PITPNM2: variants seen among roughly 807,000 people sequenced by gnomAD.
PITPNM2 encodes the protein phosphatidylinositol transfer protein membrane associated 2.
In PITPNM2, 35 loss-of-function variants were observed where a neutral mutation model predicts 132.2. That is an observed-to-expected ratio of 0.26 (90% CI 0.20 to 0.35). The LOEUF (loss-of-function observed/expected upper bound fraction) is 0.35. Among genes scored for constraint, PITPNM2 ranks in the 10% least tolerant of loss-of-function variants. The pLI, the probability that PITPNM2 is intolerant of heterozygous loss-of-function variation, is 1.00. For synonymous variants in PITPNM2, 738 were observed against 799.2 expected, an observed-to-expected ratio of 0.92 and a Z score of 1.29; for missense variants, 1,332 against 1,912.0, an observed-to-expected ratio of 0.70 and a Z score of 5.66.
intron 14 of PITPNM2, 151 bp downstream of exon 14, chr12:122,995,238 C>T: frequency 4.8e-6 from 6 of 1,247,872 alleles, no homozygotes; most frequent in Non-Finnish European, 6.5e-6. Flanking sequence ...GCCACTTTCT[C>T]CTGGGCCCAG....
At chr12:123,094,064 G>A (rs996773390) in intron 2 of PITPNM2, among the ~76,000 whole-genome samples, 1 of 152,228 alleles carries the variant, frequency 6.6e-6, no homozygotes, top group African/African-American at 2.4e-5. Context: ...AGAAAGGCCT[G>A]GTTAGGGGCC....
rs939045475 is a variant in PITPNM2 at position 123,064,562 on chromosome 12, G to A, written c.-95-29877C>T. Among the ~76,000 whole-genome samples, 7 of 152,144 alleles carry A rather than the reference G, an allele frequency of 4.6e-5. No homozygotes were observed. The highest frequency in any genetic ancestry group is 9.7e-5 in the African/African-American group (4 of 41,422). On this transcript the variant is annotated intron_variant, in intron 2 of 25. Coordinates refer to ENST00000320201, the MANE Select transcript of PITPNM2 (RefSeq NM_020845.3). This position sits in a 1 kb window ranked among gnomAD's most constrained non-coding sequence, Gnocchi z 4.0. ...TTGGCGGGGAGCCTGGGGCTATTTC[G>A]GGAAGCTCTGCGCACAGCCCGCCAC...
Position 123,077,944 on chromosome 12 carries a change from C to T in PITPNM2, c.-96+32441G>A, listed in dbSNP as rs905907024. Among the ~76,000 whole-genome samples the T allele has an allele frequency of 6.6e-6, 1 of 152,094 alleles. No individual in the cohort carries two copies. The highest frequency in any genetic ancestry group is 1.5e-5 in the Non-Finnish European group (1 of 67,998). On this transcript the variant is annotated intron_variant, in intron 2 of 25. Coordinates refer to ENST00000320201, the MANE Select transcript of PITPNM2 (RefSeq NM_020845.3). This position sits in a 1 kb window ranked among gnomAD's most constrained non-coding sequence, Gnocchi z 4.8. ...CCCCATGCTGCCGGCCTCAGGGGGC[C>T]GCCCCCAGCACGCAGCTCTCCCAGC...
chr12:123,010,227 C>A, intron 5 of PITPNM2, 150 bp from the exon 6 acceptor site: 2 of 644,552 alleles, frequency 3.1e-6, no homozygotes, highest in South Asian at 2.0e-5. Context: ...TTCTGGGCAG[C>A]TCTGACCTCA....
rs1238353697 is a variant in PITPNM2, at chr12:123,108,684, A to G, written c.-96+1701T>C. 6.6e-6 allele frequency among the ~76,000 whole-genome samples: 1 copy of G among 152,228 alleles called. No homozygotes were observed. On this transcript the variant is annotated intron_variant, in intron 2 of 25. Transcript: ENST00000320201. This position sits in a 1 kb window ranked among gnomAD's most constrained non-coding sequence, Gnocchi z 4.4. ...ATACAACATAGCACTCTCTCTTCTT[A>G]GCACTTGGAGGCCTTTTCACAGCAA...
At position 123,020,489 on chromosome 12, in the gene PITPNM2, C is replaced by T. The variant is rs1203582642; in HGVS notation, c.79-6447G>A. Reference sequence around the variant, plus strand: ...AAGCAGGAGAGGAGCACAATCTAATCTGGGTCCCAGGAAGAACGTCCTGGT... The same window carrying T: ...AAGCAGGAGAGGAGCACAATCTAATTTGGGTCCCAGGAAGAACGTCCTGGT... On this transcript the variant is annotated intron_variant, in intron 3 of 25. Coordinates refer to ENST00000320201, the MANE Select transcript of PITPNM2 (RefSeq NM_020845.3). Among the ~76,000 whole-genome samples the T allele has an allele frequency of 6.6e-5, 10 of 152,152 alleles. 1 individual carries two copies. The highest frequency in any genetic ancestry group is 2.4e-4 in the African/African-American group (10 of 41,424).
intron 1 of PITPNM2, among the ~76,000 whole-genome samples, chr12:123,116,602 T>G (rs537708986): frequency 3.2e-4 from 48 of 149,580 alleles, no homozygotes; most frequent in African/African-American, 1.2e-3. Flanking sequence ...TAAGCCATGA[T>G]TATGTCACTG....
At chr12:123,100,586 A>G (rs920943006) in intron 2 of PITPNM2, among the ~76,000 whole-genome samples, 13 of 151,748 alleles carry the variant, frequency 8.6e-5, no homozygotes, top group African/African-American at 3.1e-4. Context: ...AGATTGCACC[A>G]CTGCACTCCA....
chr12:122,988,279 C>T lies in PITPNM2; in HGVS notation c.2952G>A (p.Lys984=), dbSNP rs1162779576. 2 of 1,613,322 alleles carry T rather than the reference C, an allele frequency of 1.2e-6. No individual in the cohort carries two copies. The highest frequency in any genetic ancestry group is 1.3e-5 in the African/African-American group (1 of 74,916). Reference sequence around the variant, plus strand: ...GCTTGCGCTGCCACTTCTCCCTTGGCTTTGAGGGGGTGAACACCGACACTT... The same window carrying T: ...GCTTGCGCTGCCACTTCTCCCTTGGTTTTGAGGGGGTGAACACCGACACTT... The part of the protein sequence containing the change: ...GKEVSVFTPS[K]PREKWQRKRT... Residue 984 remains lysine (K), a synonymous_variant, in exon 20 of 26, where the codon AAG becomes AAA. Coordinates refer to ENST00000320201, the MANE Select transcript of PITPNM2 (RefSeq NM_020845.3).
chr12:123,067,795 A>T (rs1328862444), intron 2 of PITPNM2, among the ~76,000 whole-genome samples: 1 of 152,172 alleles, frequency 6.6e-6, no homozygotes, highest in Non-Finnish European at 1.5e-5. Context: ...GGTTTGTGGC[A>T]TTGGGAAACA....
chr12:123,125,343 T>C (rs768016470), intron 1 of PITPNM2, among the ~76,000 whole-genome samples: 2 of 152,054 alleles, frequency 1.3e-5, no homozygotes, highest in Non-Finnish European at 2.9e-5. Flanking sequence ...AAGGAAGAAG[T>C]TAGGTAGAAG....
chr12:123,088,691 T>C (rs1054075922), intron 2 of PITPNM2: 2 of 152,216 alleles, frequency 1.3e-5, no homozygotes, highest in Admixed American at 1.3e-4. Flanking sequence ...TAGCTGATGT[T>C]AGCAAACTTT....
At position 123,082,842 on chromosome 12, in the gene PITPNM2, T is replaced by C. The variant is rs923812032; in HGVS notation, c.-96+27543A>G. The C allele has an allele frequency of 6.6e-6, 1 of 152,300 alleles. No individual in the cohort carries two copies. The highest frequency in any genetic ancestry group is 1.5e-5 in the Non-Finnish European group (1 of 68,102). The allele number at this position is 152,300 out of a possible 1,614,324, so 9.4% of individuals were successfully genotyped here. ...CCAGAACCAATTCACCTTCCCCAGC[T>C]GAACTCTACACATTAAACAATAACT... On this transcript the variant is annotated intron_variant, in intron 2 of 25. Transcript: ENST00000320201. This position sits in a 1 kb window ranked among gnomAD's most constrained non-coding sequence, Gnocchi z 5.4.
chr12:123,047,900 ACCAT>A (rs1025032248), intron 2 of PITPNM2, among the ~76,000 whole-genome samples: 1 of 152,202 alleles, frequency 6.6e-6, no homozygotes, highest in African/African-American at 2.4e-5. Flanking sequence ...GAAGATCGAG[ACCAT>A]CCTGGCCAAC....
intron 2 of PITPNM2, among the ~76,000 whole-genome samples, chr12:123,107,318 C>T (rs998979591): frequency 1.3e-5 from 2 of 152,242 alleles, no homozygotes; most frequent in Non-Finnish European, 2.9e-5. Flanking sequence ...GCTCTGCTCA[C>T]CAATGCCGAA....
At chr12:123,093,474 A>ACACACACACGCG (rs1304845466) in intron 2 of PITPNM2, among the ~76,000 whole-genome samples, 9 of 150,296 alleles carry the variant, frequency 6.0e-5, no homozygotes, top group Admixed American at 5.3e-4. Flanking sequence ...ACACACGCAC[A>ACACACACACGCG]CACACACACG....
chr12:123,063,904 C>T (rs2041328902), intron 2 of PITPNM2, among the ~76,000 whole-genome samples: 1 of 151,728 alleles, frequency 6.6e-6, no homozygotes. Flanking sequence ...GGACCTAGTC[C>T]AATACCACAC....
intron 1 of PITPNM2, among the ~76,000 whole-genome samples, chr12:123,126,120 C>G (rs1406738602): frequency 2.0e-5 from 3 of 151,892 alleles, no homozygotes; most frequent in Non-Finnish European, 2.9e-5. Context: ...CCGCCTGCCT[C>G]GGCCTCCCAA....
At chr12:123,131,014 C>G (rs1049723266) in intron 1 of PITPNM2, among the ~76,000 whole-genome samples, 1 of 152,190 alleles carries the variant, frequency 6.6e-6, no homozygotes, top group Non-Finnish European at 1.5e-5. Flanking sequence ...TCCCCACCTT[C>G]TATTCTACAT....
Sources: allele counts gnomAD v4.1 joint callset (sites outside exome capture counted in the v4.1 genomes callset), GRCh38; gene constraint gnomAD v4.1.1; non-coding constraint Gnocchi (gnomAD v3.1); transcripts MANE v1.5; gene names NCBI Gene and HGNC (gene_info 2026-07-23, HGNC 2026-07-21).